Variants in CNTN3 observed in about 807,000 individuals in gnomAD.
The protein encoded by CNTN3 is contactin-3.
A neutral mutation model predicts 119.1 loss-of-function variants in CNTN3; 60 were observed. That is an observed-to-expected ratio of 0.50 (90% CI 0.41 to 0.62). The LOEUF is 0.62. CNTN3 is among the 20% of genes least tolerant of loss of function. The pLI is 0.00. For synonymous variants in CNTN3, 450 were observed against 438.7 expected, an observed-to-expected ratio of 1.03 and a Z score of -0.32; for missense variants, 1,101 against 1,242.4, an observed-to-expected ratio of 0.89 and a Z score of 1.71.
intron 11 of CNTN3, among the ~76,000 whole-genome samples, chr3:74,361,337 A>C (rs918807208): frequency 4.6e-5 from 7 of 152,202 alleles, no homozygotes; most frequent in Non-Finnish European, 1.0e-4. Flanking sequence ...AGCACTGAGC[A>C]AGTAAAGGCA....
At chr3:74,459,329 T>A (rs77404534) in intron 4 of CNTN3, among the ~76,000 whole-genome samples, 2,371 of 152,036 alleles carry the variant, frequency 0.016, 40 homozygotes, top group Middle Eastern at 0.051. Context: ...TTCCTGATCC[T>A]TTCCTCTTCA....
intron 4 of CNTN3, among the ~76,000 whole-genome samples, chr3:74,428,781 C>CA (rs1701737257): frequency 1.3e-5 from 2 of 152,182 alleles, no homozygotes; most frequent in African/African-American, 4.8e-5. Context: ...AGTTCACCCA[C>CA]AACAGCCTCC....
At chr3:74,428,740 G>A (rs1701736661) in intron 4 of CNTN3, among the ~76,000 whole-genome samples, 1 of 152,194 alleles carries the variant, frequency 6.6e-6, no homozygotes, top group Admixed American at 6.5e-5. Flanking sequence ...TAACGTCCTA[G>A]GCCTTCACAT....
intron 4 of CNTN3, among the ~76,000 whole-genome samples, chr3:74,453,032 A>G (rs1449493875): frequency 6.6e-6 from 1 of 151,730 alleles, no homozygotes; most frequent in African/African-American, 2.4e-5. Context: ...TAGCCTCATA[A>G]AATGAGTTAG....
At chr3:74,311,849 T>TCAGA (rs1234998122) in intron 13 of CNTN3, among the ~76,000 whole-genome samples, 1 of 152,184 alleles carries the variant, frequency 6.6e-6, no homozygotes, top group African/African-American at 2.4e-5. Flanking sequence ...TTCCCCTTAA[T>TCAGA]CAGACAGACA....
intron 13 of CNTN3, among the ~76,000 whole-genome samples, chr3:74,313,665 C>T (rs977672379): frequency 6.6e-6 from 1 of 151,982 alleles, no homozygotes; most frequent in South Asian, 2.1e-4. Flanking sequence ...ATTTATACAC[C>T]ATTTTGAGGT....
At chr3:74,466,317 CAA>C (rs1304241667) in intron 4 of CNTN3, among the ~76,000 whole-genome samples, 2 of 152,010 alleles carry the variant, frequency 1.3e-5, no homozygotes, top group African/African-American at 4.8e-5. Context: ...CTATTGAAGA[CAA>C]AAGGATTTTG....
At chr3:74,391,459 T>C (rs564132636) in intron 5 of CNTN3, among the ~76,000 whole-genome samples, 16 of 151,620 alleles carry the variant, frequency 1.1e-4, no homozygotes, top group East Asian at 3.9e-4. Flanking sequence ...GTGGAGAAGA[T>C]AAAATAACTT....
chr3:74,595,468 G>C (rs1575855761), intron 1 of CNTN3, among the ~76,000 whole-genome samples: 1 of 152,100 alleles, frequency 6.6e-6, no homozygotes, highest in South Asian at 2.1e-4. Context: ...ATTAATTTTT[G>C]TAGAAGGTGT....
intron 5 of CNTN3, among the ~76,000 whole-genome samples, chr3:74,403,038 G>A (rs1274472385): frequency 6.6e-6 from 1 of 152,138 alleles, no homozygotes; most frequent in African/African-American, 2.4e-5. Context: ...CAGATGTTTT[G>A]GGCCTTGTGG....
chr3:74,468,368 G>T (rs547082145), intron 4 of CNTN3, among the ~76,000 whole-genome samples: 8 of 152,176 alleles, frequency 5.3e-5, no homozygotes, highest in African/African-American at 9.6e-5. Flanking sequence ...AGAAAATCTA[G>T]ATTTTTTTTA....
At chr3:74,558,982 C>CAATAATAATAATAAT (rs60508507) in intron 1 of CNTN3, among the ~76,000 whole-genome samples, 23,111 of 142,814 alleles carry the variant, frequency 0.16, 2,055 homozygotes, top group Non-Finnish European at 0.18. Context: ...GACCCTGTCT[C>CAATAATAATAATAAT]AATAATAATA....
intron 5 of CNTN3, among the ~76,000 whole-genome samples, chr3:74,402,899 C>T (rs1472672730): frequency 1.3e-5 from 2 of 152,096 alleles, no homozygotes; most frequent in Non-Finnish European, 2.9e-5. Flanking sequence ...GCAGAGGGAA[C>T]AGCTAATGCA....
intron 1 of CNTN3, among the ~76,000 whole-genome samples, chr3:74,587,587 AC>A (rs1361445309): frequency 6.6e-6 from 1 of 152,166 alleles, no homozygotes. Flanking sequence ...GATTTTGAGG[AC>A]TTAACCTGTT....
chr3:74,557,756 G>A (rs974156160), intron 1 of CNTN3, among the ~76,000 whole-genome samples: 1 of 149,296 alleles, frequency 6.7e-6, no homozygotes, highest in Non-Finnish European at 1.5e-5. Context: ...GGAAATGCCA[G>A]TCAGAGAGAG....
intron 5 of CNTN3, among the ~76,000 whole-genome samples, chr3:74,373,050 A>T (rs531534579): frequency 1.2e-4 from 18 of 152,320 alleles, no homozygotes; most frequent in African/African-American, 2.4e-4. Flanking sequence ...CCTCAAACTG[A>T]TCTTTAAATC....
intron 1 of CNTN3, among the ~76,000 whole-genome samples, chr3:74,599,708 A>G (rs996154983): frequency 3.9e-5 from 6 of 152,098 alleles, no homozygotes; most frequent in African/African-American, 1.2e-4. Flanking sequence ...GTGGGAAATG[A>G]CTAACTGAAT....
chr3:74,561,072 T>G (rs555458149), intron 1 of CNTN3, among the ~76,000 whole-genome samples: 1 of 150,692 alleles, frequency 6.6e-6, no homozygotes, highest in Non-Finnish European at 1.5e-5. Context: ...ATATAACTAA[T>G]GTAAATGACG....
At chr3:74,431,634 T>C (rs571598506) in intron 4 of CNTN3, among the ~76,000 whole-genome samples, 33 of 152,156 alleles carry the variant, frequency 2.2e-4, no homozygotes, top group South Asian at 4.1e-4. Context: ...GACAATTTTA[T>C]GGGAAATGCT....
Sources: gnomAD v4.1 joint callset for allele counts (sites outside exome capture counted in the v4.1 genomes callset) on GRCh38, gnomAD v4.1.1 for gene constraint, MANE v1.5 for transcripts, NCBI Gene and HGNC (gene_info 2026-07-23, HGNC 2026-07-21) for gene names.